The following PTH2R variants were observed in gnomAD, a reference collection of about 807,000 sequenced individuals.
PTH2R encodes the protein PTH2 receptor.
A neutral mutation model predicts 60.3 loss-of-function variants in PTH2R; 59 were observed. The observed-to-expected ratio is 0.98, with a 90% CI of 0.79 to 1.22. The LOEUF (loss-of-function observed/expected upper bound fraction) is 1.22, where lower values mean the gene tolerates loss of function less well. Among genes scored for constraint, PTH2R ranks in the 50% most tolerant of loss-of-function variants. PTH2R has a pLI of 0.00. For missense variants in PTH2R, 749 were observed against 682.6 expected, an observed-to-expected ratio of 1.10 and a Z score of -1.08; for synonymous variants, 256 against 243.8, an observed-to-expected ratio of 1.05 and a Z score of -0.47.
chr2:208,391,081 T>C (rs1052637759), intron 1 of PTH2R, among the ~76,000 whole-genome samples: 8 of 152,118 alleles, frequency 5.3e-5, no homozygotes, highest in African/African-American at 1.9e-4. Context: ...AGCTTGGGCT[T>C]AGGGAGGGAG....
chr2:208,461,518 T>C (rs1702635055), intron 9 of PTH2R, among the ~76,000 whole-genome samples: 1 of 152,168 alleles, frequency 6.6e-6, no homozygotes, highest in Admixed American at 6.6e-5. Context: ...TTTCTTTGCC[T>C]TCAGTGTCTT....
At chr2:208,425,267 G>A (rs1264964401) in intron 1 of PTH2R, among the ~76,000 whole-genome samples, 1 of 152,072 alleles carries the variant, frequency 6.6e-6, no homozygotes, top group Non-Finnish European at 1.5e-5. Context: ...TTGAGATATT[G>A]AGGTAGGAGG....
At chr2:208,389,035 G>A (rs1287115652) in intron 1 of PTH2R, among the ~76,000 whole-genome samples, 1 of 152,102 alleles carries the variant, frequency 6.6e-6, no homozygotes, top group Non-Finnish European at 1.5e-5. Context: ...ATTATCAAGA[G>A]ATTCTAATTA....
upstream of PTH2R, among the ~76,000 whole-genome samples, chr2:208,404,986 T>C (rs2105827833): frequency 6.6e-6 from 1 of 152,324 alleles, no homozygotes; most frequent in Non-Finnish European, 1.5e-5. Flanking sequence ...CTCTATTTAA[T>C]TGATTGCAAA....
At chr2:208,485,055 A>G (rs915045241) in intron 10 of PTH2R, among the ~76,000 whole-genome samples, 10 of 152,344 alleles carry the variant, frequency 6.6e-5, no homozygotes, top group South Asian at 2.1e-4. Context: ...GGAAAGTACC[A>G]ACAGAGATGC....
At chr2:208,365,947 T>A (rs560409362) in intron 1 of PTH2R, among the ~76,000 whole-genome samples, 12 of 19,816 alleles carry the variant, frequency 6.1e-4, no homozygotes, top group African/African-American at 1.5e-4. Flanking sequence ...TATATATATA[T>A]ATATATATAT....
chr2:208,471,720 G>T (rs1203395972), intron 9 of PTH2R, among the ~76,000 whole-genome samples: 1 of 152,238 alleles, frequency 6.6e-6, no homozygotes. Flanking sequence ...ATGGGGCACT[G>T]CCTAGTGGAG....
Position 208,407,018 on chromosome 2 carries a change from T to C in PTH2R, c.-26T>C, listed in dbSNP as rs767964636. 7.2e-7 allele frequency: 1 copy of C among 1,379,522 alleles called. No individual in the cohort carries two copies. Among genetic ancestry groups the C allele is most frequent in the South Asian group, 2.0e-5 (1 of 48,996 alleles). 85.5% of individuals were successfully genotyped at this position (1,379,522 alleles called of 1,614,324 possible). On this transcript the variant is annotated 5_prime_UTR_variant, in exon 1 of 13. Transcript: ENST00000272847. ...CTCCCGGGCTCTGGAGGAGGGTCCC[T>C]GCTTCTTCCTACAGCCGTTCCGGGC...
intron 1 of PTH2R, among the ~76,000 whole-genome samples, chr2:208,420,879 G>A (rs570160817): frequency 4.6e-5 from 7 of 152,288 alleles, no homozygotes; most frequent in Non-Finnish European, 7.4e-5. Context: ...CACCACCACA[G>A]TGAAGATATA....
chr2:208,451,681 T>A (rs1224030745), intron 8 of PTH2R, among the ~76,000 whole-genome samples: 1 of 152,170 alleles, frequency 6.6e-6, no homozygotes, highest in Admixed American at 6.6e-5. Context: ...TATAGCAGAA[T>A]TAAATATTTT....
At chr2:208,460,439 A>G (rs970151258) in intron 9 of PTH2R, among the ~76,000 whole-genome samples, 4 of 152,162 alleles carry the variant, frequency 2.6e-5, no homozygotes, top group African/African-American at 7.2e-5. Context: ...AGTTAAGTAC[A>G]TCTTATACCA....
At chr2:208,478,989 T>G (rs1703083398) in intron 9 of PTH2R, among the ~76,000 whole-genome samples, 1 of 152,236 alleles carries the variant, frequency 6.6e-6, no homozygotes, top group Non-Finnish European at 1.5e-5. Flanking sequence ...TTTTTCTAAA[T>G]TATTCAGAAT....
chr2:208,402,839 A>C (rs1277367058), upstream of PTH2R, among the ~76,000 whole-genome samples: 2 of 152,238 alleles, frequency 1.3e-5, no homozygotes, highest in Non-Finnish European at 2.9e-5. Context: ...TGCTTAGTAC[A>C]TCTGTGAAGT....
intron 10 of PTH2R, among the ~76,000 whole-genome samples, chr2:208,486,671 A>C (rs1703280485): frequency 6.6e-6 from 1 of 152,192 alleles, no homozygotes; most frequent in South Asian, 2.1e-4. Context: ...GATTAGGCTG[A>C]ACTAAAATGC....
At chr2:208,480,894 A>G (rs1414432099) in intron 9 of PTH2R, among the ~76,000 whole-genome samples, 176 bp from the exon 10 acceptor site, 2 of 152,192 alleles carry the variant, frequency 1.3e-5, no homozygotes, top group East Asian at 1.9e-4. Flanking sequence ...TTGTGTTTTC[A>G]TGAGGGTGAA....
At position 208,450,758 on chromosome 2, in the gene PTH2R, C is replaced by T. The variant is rs1267062341; in HGVS notation, c.863C>T (p.Ala288Val). ...GFILIGWGFPAAFVAAWAVAR... is the reference protein window; with the variant it reads ...GFILIGWGFPVAFVAAWAVAR... ...CATTTTCTGATTTCAGGGTTTCCAG[C>T]AGCATTTGTTGCAGCATGGGCTGTG... Residue 288 changes from alanine to valine, a missense_variant, in exon 8 of 13, where the codon GCA becomes GTA. By Grantham distance (64) the Ala-to-Val change is moderately conservative. Transcript: ENST00000272847. 1 of 1,613,874 alleles carries T rather than the reference C, an allele frequency of 6.2e-7. No homozygotes were observed. Among genetic ancestry groups the T allele is most frequent in the East Asian group, 2.2e-5 (1 of 44,872 alleles).
chr2:208,473,718 A>C (rs1702935310), intron 9 of PTH2R, among the ~76,000 whole-genome samples: 1 of 152,196 alleles, frequency 6.6e-6, no homozygotes, highest in African/African-American at 2.4e-5. Context: ...TATTGGCTGA[A>C]TGAAAATATA....
chr2:208,480,794 G>T (rs1464165144), intron 9 of PTH2R, among the ~76,000 whole-genome samples: 1 of 152,140 alleles, frequency 6.6e-6, no homozygotes, highest in Non-Finnish European at 1.5e-5. Context: ...TTGCCAAAGG[G>T]CTTCATCTAA....
intron 2 of PTH2R, among the ~76,000 whole-genome samples, chr2:208,432,025 C>T (rs893661234): frequency 2.0e-5 from 3 of 152,176 alleles, no homozygotes; most frequent in African/African-American, 7.2e-5. Flanking sequence ...GGGAATCACT[C>T]GTGCAACTTC....
Sources: allele counts gnomAD v4.1 joint callset (sites outside exome capture counted in the v4.1 genomes callset), GRCh38; gene constraint gnomAD v4.1.1; transcripts MANE v1.5; gene names NCBI Gene and HGNC (gene_info 2026-07-23, HGNC 2026-07-21).